The following SLC5A10 variants were observed in gnomAD, a reference collection of about 807,000 sequenced individuals.
SLC5A10 encodes the protein sodium/mannose cotransporter SLC5A10.
SLC5A10 carries 55 observed loss-of-function variants against 68.9 expected under a neutral mutation model. That is an observed-to-expected ratio of 0.80 (90% confidence interval 0.64 to 1.00). The LOEUF is 1.00. SLC5A10 is among the 50% of genes least tolerant of loss of function. The probability of loss-of-function intolerance (pLI) is 0.00; values close to 1 mark genes in which losing one functional copy is unlikely to be tolerated. For missense variants in SLC5A10, 732 were observed against 819.3 expected (o/e 0.89, Z 1.30); for synonymous variants, 344 against 344.8 (o/e 1.00, Z 0.02).
At position 19,021,372 on chromosome 17, in the gene SLC5A10, G is replaced by A. The variant is rs2044263038; in HGVS notation, c.*941G>A. The A allele has an allele frequency of 6.4e-6, 1 of 156,740 alleles. No individual in the cohort carries two copies. The allele number at this position is 156,740 out of a possible 1,614,324, so 9.7% of individuals were successfully genotyped here. A position where few individuals can be genotyped will look rare whatever the true frequency, so the allele number is the denominator to read the frequency against. ...TCTTAGGGCCTCTAGCCCTGTGGTG[G>A]GGTGCTGGGTGCCCCAGGTGGAGCT... On this transcript the variant is annotated 3_prime_UTR_variant, in exon 15 of 15. Coordinates refer to ENST00000395645, the MANE Select transcript of SLC5A10 (RefSeq NM_001042450.4). This position sits in a 1 kb window ranked among gnomAD's most constrained non-coding sequence, Gnocchi z 4.1.
chr17:18,964,062 G>T (rs1159886914), intron 5 of SLC5A10, among the ~76,000 whole-genome samples: 1 of 152,116 alleles, frequency 6.6e-6, no homozygotes, highest in Non-Finnish European at 1.5e-5. Flanking sequence ...GGATATCCAC[G>T]TGGCTCCCTC....
In SLC5A10 at chr17:18,971,760, A is replaced by G; in HGVS notation, c.846+542A>G. On this transcript the variant is annotated intron_variant, in intron 8 of 14. Transcript: ENST00000395645. The surrounding 1 kb of genome is among the most constrained non-coding windows in gnomAD (Gnocchi z 5.5). ...TGAAACTGCTGGCCCTGGGAGAGAGAGAGCAGAGAGTGAGGCTGAGCAAGA... is the reference window on the plus strand; with the variant it reads ...TGAAACTGCTGGCCCTGGGAGAGAGGGAGCAGAGAGTGAGGCTGAGCAAGA... The G allele has an allele frequency of 6.5e-7, 1 of 1,548,104 alleles. No homozygotes were observed. The highest frequency in any genetic ancestry group is 8.7e-7 in the Non-Finnish European group (1 of 1,145,636).
Position 18,952,204 on chromosome 17 carries a change from C to T in SLC5A10, c.-2C>T, listed in dbSNP as rs763336465. On this transcript the variant is annotated 5_prime_UTR_variant, in exon 1 of 15. Transcript: ENST00000395645. ...ATACCTAGTGCCTGCGGCAGGACAGCCATGGCCGCCAACTCCACCAGCGAC... is the reference window on the plus strand; with the variant it reads ...ATACCTAGTGCCTGCGGCAGGACAGTCATGGCCGCCAACTCCACCAGCGAC... The T allele has an allele frequency of 6.2e-7, 1 of 1,611,544 alleles. No individual in the cohort carries two copies. Among genetic ancestry groups the T allele is most frequent in the Non-Finnish European group, 8.5e-7 (1 of 1,179,022 alleles).
upstream of SLC5A10, chr17:18,951,811 C>T (rs117013245): frequency 7.1e-5 from 14 of 197,076 alleles, no homozygotes; most frequent in East Asian, 4.6e-4. Flanking sequence ...GTTGTCCCTA[C>T]GCTCTATGCT....
chr17:18,975,435 A>G (rs2042952412), intron 8 of SLC5A10, among the ~76,000 whole-genome samples: 1 of 152,208 alleles, frequency 6.6e-6, no homozygotes, highest in African/African-American at 2.4e-5. Context: ...CACACCTGTA[A>G]TCCCAGCACT....
At chr17:18,992,943 A>T (rs2043465820) in intron 9 of SLC5A10, among the ~76,000 whole-genome samples, 1 of 152,068 alleles carries the variant, frequency 6.6e-6, no homozygotes, top group South Asian at 2.1e-4. Flanking sequence ...GGCTCCTGAC[A>T]CCCACAACAG....
chr17:18,956,767 C>T (rs553124244), intron 1 of SLC5A10, among the ~76,000 whole-genome samples: 20 of 152,278 alleles, frequency 1.3e-4, no homozygotes, highest in African/African-American at 3.6e-4. Flanking sequence ...TGAGCCACCA[C>T]GCCTGGATGA....
At chr17:18,982,252 C>A (rs2043157112) in intron 9 of SLC5A10, among the ~76,000 whole-genome samples, 1 of 152,158 alleles carries the variant, frequency 6.6e-6, no homozygotes, top group Admixed American at 6.5e-5. Context: ...GCCTGTTCTA[C>A]CTGGGGCTCA....
At chr17:18,970,845 A>C in intron 7 of SLC5A10, 168 bp from the exon 8 acceptor site, 2 of 617,460 alleles carry the variant, frequency 3.2e-6, no homozygotes, top group Non-Finnish European at 5.7e-6. Flanking sequence ...TTAAAAAAAA[A>C]AACAACCCTC....
intron 9 of SLC5A10, chr17:18,978,601 C>G (rs1363915983): frequency 1.2e-6 from 2 of 1,613,122 alleles, no homozygotes; most frequent in African/African-American, 2.7e-5. Context: ...CGTCGACGCT[C>G]TTGGCCTTGA....
intron 3 of SLC5A10, 148 bp downstream of exon 3, chr17:18,959,387 C>T: frequency 7.3e-6 from 7 of 957,020 alleles, no homozygotes; most frequent in Admixed American, 2.2e-5. Flanking sequence ...ATCGTGTCTT[C>T]AGAATACCAA....
chr17:18,967,296 C>T (rs2042730269), intron 5 of SLC5A10, among the ~76,000 whole-genome samples: 1 of 152,178 alleles, frequency 6.6e-6, no homozygotes, highest in South Asian at 2.1e-4. Flanking sequence ...GCCGTTCCTG[C>T]ACCTGCGGGA....
At chr17:18,985,792 G>A (rs1229184220) in intron 9 of SLC5A10, among the ~76,000 whole-genome samples, 8 of 152,222 alleles carry the variant, frequency 5.3e-5, no homozygotes, top group Admixed American at 4.6e-4. Flanking sequence ...CGGCTGAGCA[G>A]GGCAGGCGGG....
intron 9 of SLC5A10, among the ~76,000 whole-genome samples, chr17:18,983,518 G>A (rs558598022): frequency 2.0e-5 from 3 of 152,326 alleles, no homozygotes; most frequent in East Asian, 1.9e-4. Context: ...GTAGAGGCCC[G>A]GTAGAGCAGT....
chr17:18,951,983 A>G, upstream of SLC5A10: 1 of 553,718 alleles, frequency 1.8e-6, no homozygotes, highest in South Asian at 3.2e-5. Context: ...TGCTTCTCCC[A>G]GGCTCCCTGA....
intron 9 of SLC5A10, chr17:18,988,361 C>G (rs143682625): frequency 6.2e-7 from 1 of 1,614,244 alleles, no homozygotes; most frequent in Non-Finnish European, 8.5e-7. Flanking sequence ...CGGCGTCCAG[C>G]AGGTCCTTGA....
At chr17:18,951,305 G>C (rs929578898), upstream of SLC5A10, among the ~76,000 whole-genome samples, 1 of 152,248 alleles carries the variant, frequency 6.6e-6, no homozygotes, top group Non-Finnish European at 1.5e-5. Flanking sequence ...TGGAGACGGT[G>C]GGGCCACATC....
At position 19,004,071 on chromosome 17, in the gene SLC5A10, G is replaced by T. The variant is rs1025889067; in HGVS notation, c.983-9339G>T. The T allele has an allele frequency of 1.3e-6, 2 of 1,554,350 alleles. No individual in the cohort carries two copies. Among genetic ancestry groups the T allele is most frequent in the Admixed American group, 3.7e-5 (2 of 53,354 alleles). On this transcript the variant is annotated intron_variant, in intron 9 of 14. Coordinates refer to ENST00000395645, the MANE Select transcript of SLC5A10 (RefSeq NM_001042450.4). This position sits in a 1 kb window ranked among gnomAD's most constrained non-coding sequence, Gnocchi z 5.4. ...CCGCCTGCCCGGGCACTGCTGCCGG[G>T]GGTGGGTGGGCAAGGTCCAGCTCCT... is the stretch of plus-strand genomic sequence containing the variant.
intron 9 of SLC5A10, among the ~76,000 whole-genome samples, chr17:18,997,515 C>T (rs1188860275): frequency 6.6e-6 from 1 of 152,234 alleles, no homozygotes; most frequent in Non-Finnish European, 1.5e-5. Flanking sequence ...AATCTCAAAA[C>T]TATAGATTCA....
Sources: allele counts gnomAD v4.1 joint callset (sites outside exome capture counted in the v4.1 genomes callset), GRCh38; gene constraint gnomAD v4.1.1; non-coding constraint Gnocchi (gnomAD v3.1); transcripts MANE v1.5; gene names NCBI Gene and HGNC (gene_info 2026-07-23, HGNC 2026-07-21).